The following DDHD1 variants were observed in gnomAD, a reference collection of about 807,000 sequenced individuals.
DDHD1 encodes phospholipase DDHD1.
In DDHD1, 49 loss-of-function variants were observed where a neutral mutation model predicts 96.4. That is an observed-to-expected ratio of 0.51 (90% CI 0.40 to 0.64). The LOEUF is 0.64. Ranked by LOEUF, DDHD1 falls within the 30% of genes least tolerant of loss-of-function variation. The pLI is 0.00. For synonymous variants in DDHD1, 442 were observed against 446.5 expected (o/e 0.99, Z 0.13); for missense variants, 1,106 against 1,161.2 (o/e 0.95, Z 0.69).
chr14:53,139,234 C>A (rs1890463666), intron 1 of DDHD1, among the ~76,000 whole-genome samples: 2 of 152,028 alleles, frequency 1.3e-5, no homozygotes, highest in African/African-American at 4.8e-5. Flanking sequence ...AGACACTGTG[C>A]CTAAGAATAA....
chr14:53,046,750 C>A lies in DDHD1; in HGVS notation c.*18G>T. On this transcript the variant is annotated 3_prime_UTR_variant, in exon 13 of 13. Coordinates refer to ENST00000673822, the MANE Select transcript of DDHD1 (RefSeq NM_001160148.2). ...AAAAAAAAATCAGTTTTAGGCCATT[C>A]ATGTCCTTCAAGAGAGTTCAGATTG... 1 of 1,433,338 alleles carries A rather than the reference C, an allele frequency of 7.0e-7. No homozygotes were observed. The highest frequency in any genetic ancestry group is 1.3e-5 in the South Asian group (1 of 75,516). 88.8% of individuals were successfully genotyped at this position (1,433,338 alleles called of 1,614,324 possible).
chr14:53,115,053 C>T (rs1888438509), intron 1 of DDHD1, among the ~76,000 whole-genome samples: 1 of 152,116 alleles, frequency 6.6e-6, no homozygotes, highest in African/African-American at 2.4e-5. Context: ...AGTTGAAAAA[C>T]ACAGTCCGAG....
chr14:53,092,035 A>C (rs1367769522), intron 3 of DDHD1, 103 bp from the exon 4 acceptor site: 7 of 1,156,702 alleles, frequency 6.1e-6, no homozygotes, highest in Non-Finnish European at 8.4e-6. Context: ...ATTATGAAAA[A>C]ATTTCACTGG....
At chr14:53,097,956 C>A (rs1305890482) in intron 2 of DDHD1, among the ~76,000 whole-genome samples, 1 of 151,816 alleles carries the variant, frequency 6.6e-6, no homozygotes, top group Non-Finnish European at 1.5e-5. Context: ...AAATGTAATT[C>A]TTATTTTCAC....
intron 1 of DDHD1, among the ~76,000 whole-genome samples, chr14:53,127,692 A>C (rs1402120669): frequency 2.0e-5 from 3 of 152,306 alleles, no homozygotes; most frequent in Middle Eastern, 3.4e-3. Context: ...AGAATCAAAA[A>C]ACAAATACAT....
At chr14:53,130,575 A>G (rs1443252797) in intron 1 of DDHD1, among the ~76,000 whole-genome samples, 1 of 152,142 alleles carries the variant, frequency 6.6e-6, no homozygotes, top group Admixed American at 6.5e-5. Context: ...TGTGAGACAA[A>G]CCCCAGCCAC....
Position 53,055,680 on chromosome 14 carries a change from A to AT in DDHD1, c.2224dup (p.Ile742AsnfsTer11). ...ATTACCTAATATGCTTGCTTTGCCT[A>AT]TATTTGTTATAGATTCTCCATAGTG... On this transcript the variant is annotated frameshift_variant, in exon 10 of 13. Transcript: ENST00000673822. LOFTEE classifies it high-confidence loss of function. 6.2e-7 allele frequency: 1 copy of AT among 1,614,064 alleles called. No individual in the cohort carries two copies. The highest frequency in any genetic ancestry group is 8.5e-7 in the Non-Finnish European group (1 of 1,179,922).
intron 6 of DDHD1, among the ~76,000 whole-genome samples, chr14:53,068,004 T>C (rs911877349): frequency 6.6e-6 from 1 of 152,184 alleles, no homozygotes; most frequent in Non-Finnish European, 1.5e-5. Flanking sequence ...TTTCTAAAAC[T>C]AGGAATATTC....
intron 6 of DDHD1, among the ~76,000 whole-genome samples, chr14:53,067,054 G>GA: frequency 6.6e-6 from 1 of 151,706 alleles, no homozygotes; most frequent in South Asian, 2.1e-4. Context: ...GAATTCCCAG[G>GA]ATAGTATCAA....
rs115358147 is a variant in DDHD1 at position 53,151,352 on chromosome 14, G to A, written c.838+909C>T. Among the ~76,000 whole-genome samples, 633 of 152,304 alleles carry A rather than the reference G, an allele frequency of 4.2e-3. 6 individuals are homozygous for A. The highest frequency in any genetic ancestry group is 0.015 in the African/African-American group (613 of 41,562). On this transcript the variant is annotated intron_variant, in intron 1 of 12. Coordinates refer to ENST00000673822, the MANE Select transcript of DDHD1 (RefSeq NM_001160148.2). ...ATAATACTGGTGGTCAGTAACTTCT[G>A]TGACTATTGAATATCTCCTATATAT...
intron 4 of DDHD1, among the ~76,000 whole-genome samples, chr14:53,074,887 G>C (rs1187089985): frequency 6.6e-6 from 1 of 152,044 alleles, no homozygotes; most frequent in African/African-American, 2.4e-5. Flanking sequence ...CTGTGTCTCT[G>C]TGTCACATTT....
chr14:53,061,514 A>T (rs1044073387), intron 7 of DDHD1, among the ~76,000 whole-genome samples: 27 of 152,128 alleles, frequency 1.8e-4, no homozygotes, highest in African/African-American at 6.5e-4. Flanking sequence ...TACCATATAT[A>T]CTGTTCTCTC....
At chr14:53,054,232 T>C (rs1474419923) in intron 11 of DDHD1, 1 of 488,294 alleles carries the variant, frequency 2.0e-6, no homozygotes, top group Non-Finnish European at 3.6e-6. Context: ...ATTCTATTAA[T>C]TCATCAATGC....
chr14:53,122,177 C>T (rs1049383232), intron 1 of DDHD1, among the ~76,000 whole-genome samples: 3 of 152,186 alleles, frequency 2.0e-5, no homozygotes, highest in African/African-American at 4.8e-5. Context: ...TAATTTTTGG[C>T]AGCGTCCAGG....
In DDHD1 at chr14:53,103,777, ATTAC is replaced by A. The variant is rs1595180597; in HGVS notation, c.914_917del (p.Ser305IlefsTer2). 5 of 1,613,730 alleles carry A rather than the reference ATTAC, an allele frequency of 3.1e-6. No individual in the cohort carries two copies. The East Asian group carries it at 1.1e-4, about 36-fold the overall frequency. ...AATTGAGATGTTCTTGCTCAATTAA[ATTAC>A]TTTCTTCCTCTTCTAGAGGCTGCCA... On this transcript the variant is annotated frameshift_variant, in exon 2 of 13. Coordinates refer to ENST00000673822, the MANE Select transcript of DDHD1 (RefSeq NM_001160148.2). LOFTEE classifies it high-confidence loss of function.
intron 6 of DDHD1, among the ~76,000 whole-genome samples, chr14:53,066,459 T>G (rs1394384441): frequency 6.6e-6 from 1 of 152,150 alleles, no homozygotes; most frequent in African/African-American, 2.4e-5. Context: ...TGCATCTATT[T>G]GACTACAAAG....
Position 53,039,709 on chromosome 14 carries a change from TAGGCAGTGGAGAAGC to T in DDHD1, c.*7044_*7058del. On this transcript the variant is annotated 3_prime_UTR_variant, in exon 13 of 13. Coordinates refer to ENST00000673822, the MANE Select transcript of DDHD1 (RefSeq NM_001160148.2). ...AAAAATATAGTTTGATTGTTGAAGG[TAGGCAGTGGAGAAGC>T]AGGCAGGAGAGTCAGGTTGGGCAGG... 1 of 152,376 alleles carries T rather than the reference TAGGCAGTGGAGAAGC, an allele frequency of 6.6e-6. No homozygotes were observed. The highest frequency in any genetic ancestry group is 1.5e-5 in the Non-Finnish European group (1 of 68,104). The allele number at this position is 152,376 out of a possible 1,614,324, so 9.4% of individuals were successfully genotyped here. A position where few individuals can be genotyped will look rare whatever the true frequency, so the allele number is the denominator to read the frequency against.
chr14:53,050,762 A>G (rs1320226944), intron 12 of DDHD1, among the ~76,000 whole-genome samples: 6 of 152,130 alleles, frequency 3.9e-5, no homozygotes, highest in African/African-American at 1.4e-4. Flanking sequence ...AAAAGAAGCC[A>G]TATAGATATT....
At chr14:53,094,351 T>C (rs1203960287) in intron 2 of DDHD1, among the ~76,000 whole-genome samples, 1 of 152,230 alleles carries the variant, frequency 6.6e-6, no homozygotes, top group Non-Finnish European at 1.5e-5. Context: ...AATCCAAAAT[T>C]GAAAGATATT....
Sources: gnomAD v4.1 joint callset for allele counts (sites outside exome capture counted in the v4.1 genomes callset) on GRCh38, gnomAD v4.1.1 for gene constraint, MANE v1.5 for transcripts, NCBI Gene and HGNC (gene_info 2026-07-23, HGNC 2026-07-21) for gene names.